Variants in CFAP70 observed in about 807,000 individuals in gnomAD.
CFAP70 encodes cilia- and flagella-associated protein 70.
A neutral mutation model predicts 137.6 loss-of-function variants in CFAP70; 81 were observed. That is an observed-to-expected ratio of 0.59 (90% confidence interval 0.49 to 0.71). CFAP70 has a LOEUF of 0.71. Ranked by LOEUF, CFAP70 falls within the 30% of genes least tolerant of loss-of-function variation. The pLI is 0.00. For synonymous variants in CFAP70, 382 were observed against 423.6 expected, an observed-to-expected ratio of 0.90 and a Z score of 1.20; for missense variants, 976 against 1,226.7, an observed-to-expected ratio of 0.80 and a Z score of 3.05.
chr10:73,329,523 C>A lies in CFAP70; in HGVS notation c.777+1654G>T, dbSNP rs555045246. The stretch of plus-strand genomic sequence containing the variant: ...AAATAAACATAAACAAACAAACAAA[C>A]AAAAAAACAGTGTTAATAGTAAAGG... On this transcript the variant is annotated intron_variant, in intron 8 of 26. Transcript: ENST00000310715. 5.9e-5 allele frequency among the ~76,000 whole-genome samples: 9 copies of A among 151,438 alleles called. No homozygotes were observed. In the South Asian group the frequency reaches 8.4e-4, roughly 14 times the overall value.
chr10:73,266,857 T>C (rs944128219), intron 25 of CFAP70, among the ~76,000 whole-genome samples: 3 of 152,190 alleles, frequency 2.0e-5, no homozygotes, highest in Admixed American at 6.5e-5. Flanking sequence ...TTAATCCTAT[T>C]ATGTCCTTGT....
At chr10:73,351,640 C>T (rs1203862925) in intron 3 of CFAP70, among the ~76,000 whole-genome samples, 1 of 152,070 alleles carries the variant, frequency 6.6e-6, no homozygotes, top group African/African-American at 2.4e-5. Flanking sequence ...GCCATCTTGA[C>T]CAGGCTGGTC....
chr10:73,269,609 C>T lies in CFAP70; in HGVS notation c.3027+5G>A. On this transcript the variant is annotated splice_donor_5th_base_variant and intron_variant, in intron 25 of 26. Transcript: ENST00000310715. ...GGGCATTGTGTAAGGATAATAAACACTCACTTTCAGGCAGACCAGAGCCAG... is the reference window on the plus strand; with the variant it reads ...GGGCATTGTGTAAGGATAATAAACATTCACTTTCAGGCAGACCAGAGCCAG... The T allele has an allele frequency of 6.2e-7, 1 of 1,607,360 alleles. No homozygotes were observed.
intron 14 of CFAP70, 111 bp from the exon 16 acceptor site, chr10:73,297,284 T>C (rs1589391864): frequency 2.6e-6 from 3 of 1,161,094 alleles, no homozygotes; most frequent in Admixed American, 2.8e-5. Flanking sequence ...CAGAAAGCGA[T>C]TGATTTCTCC....
At chr10:73,362,883 C>G (rs75789409), upstream of CFAP70, among the ~76,000 whole-genome samples, 7,111 of 150,556 alleles carry the variant, frequency 0.047, 502 homozygotes, top group African/African-American at 0.16. Flanking sequence ...TGTCCTCATT[C>G]AGTATGTTAG....
At chr10:73,323,033 T>C in exon 9 of CFAP70, 1 of 1,613,924 alleles carries the variant, frequency 6.2e-7, no homozygotes, top group South Asian at 1.1e-5. Flanking sequence ...CACACCTGGA[T>C]ACAACAATGG....
chr10:73,340,587 G>A (rs1455567279), intron 6 of CFAP70, among the ~76,000 whole-genome samples: 11 of 152,206 alleles, frequency 7.2e-5, no homozygotes. Context: ...CAGTGCCCTG[G>A]CTGTTCATGC....
chr10:73,282,428 A>G (rs150409864), intron 19 of CFAP70, among the ~76,000 whole-genome samples: 47 of 152,230 alleles, frequency 3.1e-4, no homozygotes, highest in African/African-American at 1.0e-3. Context: ...ACACCAAACC[A>G]TGATGGATTC....
At chr10:73,258,634 A>C (rs2044772863) in intron 25 of CFAP70, among the ~76,000 whole-genome samples, 1 of 152,228 alleles carries the variant, frequency 6.6e-6, no homozygotes, top group Admixed American at 6.5e-5. Context: ...GACAGAACAG[A>C]GTCACATTTC....
chr10:73,322,815 C>A, intron 9 of CFAP70, 148 bp downstream of exon 10: 1 of 620,672 alleles, frequency 1.6e-6, no homozygotes, highest in Non-Finnish European at 2.4e-6. Flanking sequence ...AGGTCCAATG[C>A]AGAATGACTG....
upstream of CFAP70, among the ~76,000 whole-genome samples, chr10:73,359,800 C>T (rs2054935175): frequency 6.6e-6 from 1 of 151,988 alleles, no homozygotes; most frequent in African/African-American, 2.4e-5. Flanking sequence ...GAGGGGGAAA[C>T]AGTGAATGGA....
Position 73,301,956 on chromosome 10 carries a change from G to A in CFAP70, c.1257-2291C>T, listed in dbSNP as rs115239417. On this transcript the variant is annotated intron_variant, in intron 12 of 26. Transcript: ENST00000310715. ...ATGGTGGTAGAGAAGTATATGGTATGTGAATAATATCTCGAAAAAGCTATC... is the reference window on the plus strand; with the variant it reads ...ATGGTGGTAGAGAAGTATATGGTATATGAATAATATCTCGAAAAAGCTATC... Among the ~76,000 whole-genome samples, 798 of 152,194 alleles carry A rather than the reference G, an allele frequency of 5.2e-3. 10 individuals are homozygous for A. The highest frequency in any genetic ancestry group is 0.018 in the African/African-American group (761 of 41,518).
chr10:73,284,282 A>G (rs570321234), intron 19 of CFAP70, among the ~76,000 whole-genome samples: 51 of 151,456 alleles, frequency 3.4e-4, no homozygotes, highest in African/African-American at 1.2e-3. Context: ...CCGTTATCAC[A>G]TTGTCTTTTT....
intron 1 of CFAP70, among the ~76,000 whole-genome samples, chr10:73,358,422 G>A (rs1480636970): frequency 2.0e-5 from 3 of 152,242 alleles, no homozygotes; most frequent in African/African-American, 7.2e-5. Flanking sequence ...AGGAGGCGAT[G>A]TGACTGAGTC....
chr10:73,258,372 A>G (rs1428007737), intron 25 of CFAP70, among the ~76,000 whole-genome samples: 1 of 152,204 alleles, frequency 6.6e-6, no homozygotes, highest in African/African-American at 2.4e-5. Flanking sequence ...ATGGACATTT[A>G]TCACTTCCCC....
At chr10:73,284,739 C>CAT (rs539417737) in intron 19 of CFAP70, among the ~76,000 whole-genome samples, 9 of 27,486 alleles carry the variant, frequency 3.3e-4, no homozygotes, top group African/African-American at 4.1e-4. Context: ...TGACCTGCCA[C>CAT]ATATATATAT....
chr10:73,309,035 G>T (rs1371081412), intron 12 of CFAP70, among the ~76,000 whole-genome samples: 1 of 151,972 alleles, frequency 6.6e-6, no homozygotes, highest in Non-Finnish European at 1.5e-5. Flanking sequence ...AAAGAATGAA[G>T]ATTAGAGTAA....
At chr10:73,317,790 C>A (rs12571477) in intron 9 of CFAP70, among the ~76,000 whole-genome samples, 1 of 151,594 alleles carries the variant, frequency 6.6e-6, no homozygotes, top group Admixed American at 6.6e-5. Context: ...GAGAAGACCA[C>A]GTCTCAAAAA....
intron 7 of CFAP70, among the ~76,000 whole-genome samples, chr10:73,334,680 A>C (rs2052461070): frequency 2.0e-5 from 3 of 151,908 alleles, no homozygotes; most frequent in South Asian, 4.2e-4. Flanking sequence ...CCTGGGTTCA[A>C]GCGATTCTCC....
Sources: allele counts gnomAD v4.1 joint callset (sites outside exome capture counted in the v4.1 genomes callset), GRCh38; gene constraint gnomAD v4.1.1; transcripts MANE v1.5; gene names NCBI Gene and HGNC (gene_info 2026-07-23, HGNC 2026-07-21).